Variants in NELL2 observed in about 807,000 individuals in gnomAD.
NELL2 encodes the protein neural EGFL like 2, also known as protein kinase C-binding protein NELL2.
A neutral mutation model predicts 109.6 loss-of-function variants in NELL2; 41 were observed. The observed-to-expected ratio is 0.37, with a 90% CI of 0.29 to 0.49. The LOEUF (loss-of-function observed/expected upper bound fraction) is 0.49, where lower values mean the gene tolerates loss of function less well. Among genes scored for constraint, NELL2 ranks in the 20% least tolerant of loss-of-function variants. The pLI, the probability that NELL2 is intolerant of heterozygous loss-of-function variation, is 0.98. For synonymous variants in NELL2, 355 were observed against 344.7 expected, an observed-to-expected ratio of 1.03 and a Z score of -0.33; for missense variants, 900 against 1,008.3, an observed-to-expected ratio of 0.89 and a Z score of 1.45.
chr12:44,876,133 G>C lies in NELL2; in HGVS notation c.-264C>G. The C allele has an allele frequency of 7.7e-7, 1 of 1,297,924 alleles. No homozygotes were observed. Among genetic ancestry groups the C allele is most frequent in the Non-Finnish European group, 9.8e-7 (1 of 1,022,208 alleles). 80.4% of individuals were successfully genotyped at this position (1,297,924 alleles called of 1,614,324 possible). On this transcript the variant is annotated 5_prime_UTR_variant, in exon 1 of 20. Transcript: ENST00000429094. ...CAGCGCGGCCCGGAGGGGGCCCGGAGGGAGGGGTCGGACTCGCCCCGGCGC... is the reference window on the plus strand; with the variant it reads ...CAGCGCGGCCCGGAGGGGGCCCGGACGGAGGGGTCGGACTCGCCCCGGCGC...
chr12:44,621,677 T>C (rs1031401662), intron 13 of NELL2, among the ~76,000 whole-genome samples: 4 of 150,500 alleles, frequency 2.7e-5, no homozygotes, highest in African/African-American at 7.5e-5. Context: ...GTGGATTTAC[T>C]CATTGTTATT....
intron 9 of NELL2, among the ~76,000 whole-genome samples, chr12:44,732,577 A>G (rs1226717508): frequency 6.6e-6 from 1 of 152,028 alleles, no homozygotes; most frequent in Non-Finnish European, 1.5e-5. Context: ...AGACTTAAAC[A>G]TAAGTCCTGA....
At chr12:44,894,041 GA>G (rs1235456528) in intron 1 of NELL2, among the ~76,000 whole-genome samples, 1 of 151,966 alleles carries the variant, frequency 6.6e-6, no homozygotes, top group South Asian at 2.1e-4. Flanking sequence ...AATCTAACAG[GA>G]AAAAAATAGA....
chr12:44,754,682 T>C (rs1295065563), intron 9 of NELL2, among the ~76,000 whole-genome samples: 5 of 152,188 alleles, frequency 3.3e-5, no homozygotes, highest in African/African-American at 9.7e-5. Context: ...TGGAAGATGA[T>C]TGACTACCTA....
At position 44,532,710 on chromosome 12, in the gene NELL2, A is replaced by G; in HGVS notation, c.1675T>C (p.Cys559Arg). Residue 559 changes from cysteine to arginine, a missense_variant, in exon 16 of 20, where the codon TGC becomes CGC. Cys to Arg is a radical substitution (Grantham distance 180). This residue lies in a region of NELL2 where 333 missense variants were observed against 432.3 expected (regional missense o/e 0.77). Transcript: ENST00000429094. The stretch of plus-strand genomic sequence containing the variant: ...TCACATTGAACAAAACCATCAGAGC[A>G]TTCATCAATGTCTGGCAAAAAAAGA... ...GPSCETDIDECSDGFVQCDSR... is the reference protein window; with the variant it reads ...GPSCETDIDERSDGFVQCDSR... The G allele has an allele frequency of 6.2e-7, 1 of 1,609,432 alleles. No individual in the cohort carries two copies. Among genetic ancestry groups the G allele is most frequent in the Non-Finnish European group, 8.5e-7 (1 of 1,178,076 alleles).
chr12:44,598,455 T>G (rs903744175), intron 15 of NELL2, among the ~76,000 whole-genome samples: 34 of 152,256 alleles, frequency 2.2e-4, no homozygotes, highest in Middle Eastern at 6.8e-3. Context: ...CCTATGTTCC[T>G]CCTCATTTAC....
At chr12:44,516,963 T>C (rs927382273) in intron 19 of NELL2, among the ~76,000 whole-genome samples, 2 of 151,356 alleles carry the variant, frequency 1.3e-5, no homozygotes, top group Non-Finnish European at 2.9e-5. Context: ...CTTTCAGGTA[T>C]ATTTTATCAC....
chr12:44,724,818 A>G (rs79328014), intron 9 of NELL2, among the ~76,000 whole-genome samples: 4,398 of 129,744 alleles, frequency 0.034, 148 homozygotes, highest in African/African-American at 0.1. Context: ...TCCTAAGGGG[A>G]AAAAAAAAAA....
Position 44,585,435 on chromosome 12 carries a change from T to C in NELL2, c.1663+21734A>G, listed in dbSNP as rs186704961. On this transcript the variant is annotated intron_variant, in intron 15 of 19. Transcript: ENST00000429094. ...TGGCCAACATGGCGAAACTCCTTCT[T>C]TACTAAAAATACAAAAATTATCTGG... 8.9e-3 allele frequency among the ~76,000 whole-genome samples: 1,358 copies of C among 152,088 alleles called. 14 individuals carry two copies. The highest frequency in any genetic ancestry group is 0.031 in the African/African-American group (1,278 of 41,476).
intron 15 of NELL2, among the ~76,000 whole-genome samples, chr12:44,538,618 G>T (rs932535728): frequency 3.9e-5 from 6 of 152,160 alleles, no homozygotes; most frequent in Non-Finnish European, 8.8e-5. Context: ...GTGTCAAGCC[G>T]GTAGGACTGG....
At chr12:44,708,644 G>A (rs1000124466) in intron 11 of NELL2, among the ~76,000 whole-genome samples, 3 of 152,102 alleles carry the variant, frequency 2.0e-5, no homozygotes, top group African/African-American at 7.2e-5. Context: ...TATTTGAATC[G>A]GAAATTAATG....
intron 13 of NELL2, among the ~76,000 whole-genome samples, chr12:44,657,065 T>TAA (rs1460953142): frequency 1.3e-5 from 2 of 152,226 alleles, no homozygotes; most frequent in Non-Finnish European, 2.9e-5. Flanking sequence ...ACAACTGACT[T>TAA]AAAATCTTTG....
intron 2 of NELL2, among the ~76,000 whole-genome samples, chr12:44,861,512 C>G (rs1366907558): frequency 1.3e-5 from 2 of 152,222 alleles, no homozygotes; most frequent in Non-Finnish European, 2.9e-5. Flanking sequence ...GACCCAGGCT[C>G]CAGACCCATC....
chr12:44,721,616 CT>C (rs34143395), intron 9 of NELL2, among the ~76,000 whole-genome samples: 19,475 of 149,994 alleles, frequency 0.13, 1,471 homozygotes, highest in East Asian at 0.21. Flanking sequence ...CTTTGTGTAA[CT>C]TTTTTTTTTC....
intron 13 of NELL2, among the ~76,000 whole-genome samples, chr12:44,646,016 T>C (rs11615599): frequency 0.068 from 10,416 of 152,190 alleles, 505 homozygotes; most frequent in Non-Finnish European, 0.1. Flanking sequence ...AATGACTAAA[T>C]AAAAACATTT....
At position 44,665,672 on chromosome 12, in the gene NELL2, T is replaced by C. The variant is rs2136339936; in HGVS notation, c.1319-63A>G. 4 of 1,487,018 alleles carry C rather than the reference T, an allele frequency of 2.7e-6. No homozygotes were observed. In the East Asian group the frequency reaches 9.3e-5, roughly 35 times the overall value. 92.1% of individuals were successfully genotyped at this position (1,487,018 alleles called of 1,614,324 possible). On this transcript the variant is annotated intron_variant, in intron 12 of 19. Transcript: ENST00000429094. ...CAATATTCTGGAGCTCCTATATAAT[T>C]TTCTTTGGTAGGGAGAGGGAAGTAT...
At position 44,607,203 on chromosome 12, in the gene NELL2, G is replaced by A. The variant is rs776367620; in HGVS notation, c.1629C>T (p.Cys543=). 6.8e-6 allele frequency: 11 copies of A among 1,612,508 alleles called. No individual in the cohort carries two copies. Among genetic ancestry groups the A allele is most frequent in the Admixed American group, 3.3e-5 (2 of 59,816 alleles). The change falls in exon 15 of 20, where the codon TGC becomes TGT. Residue 543 remains cysteine, a synonymous_variant. Transcript: ENST00000429094. Reference sequence around the variant, plus strand: ...AGCTGGGTCCAGTGAAGCCTTGTGGGCAGGCACACACATTAGCGGCAATAC... The same window carrying A: ...AGCTGGGTCCAGTGAAGCCTTGTGGACAGGCACACACATTAGCGGCAATAC... ...GACIAANVCA[C]PQGFTGPSCE...
At chr12:44,741,476 C>G (rs1379145603) in intron 9 of NELL2, among the ~76,000 whole-genome samples, 1 of 152,178 alleles carries the variant, frequency 6.6e-6, no homozygotes, top group East Asian at 1.9e-4. Flanking sequence ...GGGTGCAGTG[C>G]ACCGGGCGTG....
upstream of NELL2, among the ~76,000 whole-genome samples, chr12:44,880,084 T>TA (rs1945393341): frequency 6.7e-6 from 1 of 149,596 alleles, no homozygotes; most frequent in Non-Finnish European, 1.5e-5. Context: ...TACACTGAGA[T>TA]AAAAGACTAT....
Sources: gnomAD v4.1 joint callset for allele counts (sites outside exome capture counted in the v4.1 genomes callset) on GRCh38, gnomAD v4.1.1 for gene constraint, gnomAD v4.1.1 regional missense constraint, MANE v1.5 for transcripts, NCBI Gene and HGNC (gene_info 2026-07-23, HGNC 2026-07-21) for gene names.